TMEM179B: variants seen among roughly 807,000 people sequenced by gnomAD.
TMEM179B encodes the protein transmembrane protein 179B.
TMEM179B carries 13 observed loss-of-function variants against 18.0 expected under a neutral mutation model. The ratio of observed to expected loss-of-function variants is 0.72; its 90% confidence interval spans 0.47 to 1.15. The LOEUF (loss-of-function observed/expected upper bound fraction) is 1.15. TMEM179B is among the 50% of genes most tolerant of loss of function. The pLI is 0.00. For synonymous variants in TMEM179B, 159 were observed against 117.5 expected (o/e 1.35, Z -2.29); for missense variants, 320 against 270.6 (o/e 1.18, Z -1.28).
intron 1 of TMEM179B, chr11:62,787,845 C>T (rs1248718427): frequency 3.1e-6 from 2 of 640,534 alleles, no homozygotes; most frequent in Non-Finnish European, 2.9e-6. Context: ...AGTGCAGAAC[C>T]TGCGTCCATC....
Position 62,790,282 on chromosome 11 carries a change from G to A in TMEM179B, c.*235G>A, listed in dbSNP as rs189318367. The A allele has an allele frequency of 7.1e-6, 4 of 561,650 alleles. No individual in the cohort carries two copies. The highest frequency in any genetic ancestry group is 1.2e-5 in the Non-Finnish European group (4 of 328,060). 34.8% of individuals were successfully genotyped at this position (561,650 alleles called of 1,614,324 possible). On this transcript the variant is annotated 3_prime_UTR_variant, in exon 5 of 5. Coordinates refer to ENST00000333449, the MANE Select transcript of TMEM179B (RefSeq NM_199337.3). The stretch of plus-strand genomic sequence containing the variant: ...TTTGATGTTAAAGTACAACTAGATA[G>A]GAGGAAGGAGTGAAGGCTAAGCAGA...
At position 62,789,606 on chromosome 11, in the gene TMEM179B, C is replaced by G; in HGVS notation, c.425C>G (p.Ser142Cys). The G allele has an allele frequency of 1.3e-6, 2 of 1,547,862 alleles. No individual in the cohort carries two copies. The highest frequency in any genetic ancestry group is 1.7e-6 in the Non-Finnish European group (2 of 1,150,812). ...IISLNTTISC[S>C]EAQKIPWTPP... ...CTGTCTCTTTGACCTCACAGCTGTT[C>G]TGAAGCCCAGAAAATTCCATGGACA... Residue 142 changes from serine (S) to cysteine (C), a missense_variant, in exon 4 of 5, where the codon TCT becomes TGT. Physicochemically the swap from Ser to Cys is moderately radical, Grantham distance 112. Transcript: ENST00000333449.
Position 62,789,049 on chromosome 11 carries a change from G to A in TMEM179B, c.123G>A (p.Leu41=). Residue 41 remains leucine, a synonymous_variant, in exon 2 of 5, where the codon CTG becomes CTA. Coordinates refer to ENST00000333449, the MANE Select transcript of TMEM179B (RefSeq NM_199337.3). The part of the protein sequence containing the change: ...TQGSFSGRCP[L]YGVATLNGSS... Reference sequence around the variant, plus strand: ...GCTCCTTCAGTGGTAGATGTCCCCTGTATGGTGTGGCCACCCTGAATGGCT... The same window carrying A: ...GCTCCTTCAGTGGTAGATGTCCCCTATATGGTGTGGCCACCCTGAATGGCT... 1 of 1,614,100 alleles carries A rather than the reference G, an allele frequency of 6.2e-7. No individual in the cohort carries two copies. Among genetic ancestry groups the A allele is most frequent in the Non-Finnish European group, 8.5e-7 (1 of 1,179,958 alleles).
chr11:62,789,860 G>C, intron 4 of TMEM179B, 26 bp from the exon 5 acceptor site: 1 of 1,605,966 alleles, frequency 6.2e-7, no homozygotes, highest in Non-Finnish European at 8.5e-7. Flanking sequence ...TCCCACTCCT[G>C]ACGATCCTGT....
At chr11:62,788,400 G>A (rs914087888) in intron 1 of TMEM179B, among the ~76,000 whole-genome samples, 1 of 147,628 alleles carries the variant, frequency 6.8e-6, no homozygotes, top group Non-Finnish European at 1.5e-5. Flanking sequence ...AATCTCCATC[G>A]CAAAAACAAA....
In TMEM179B at chr11:62,789,626, T is replaced by A; in HGVS notation, c.445T>A (p.Trp149Arg). ...CTGTTCTGAAGCCCAGAAAATTCCA[T>A]GGACACCCCCTGGAACTGCTCTGCA... ...ISCSEAQKIP[W>R]TPPGTALQFY... The change falls in exon 4 of 5, where the codon TGG becomes AGG. Residue 149 changes from tryptophan to arginine, a missense_variant. Trp to Arg is a moderately radical substitution (Grantham distance 101). Transcript: ENST00000333449. 1 of 1,549,448 alleles carries A rather than the reference T, an allele frequency of 6.5e-7. No homozygotes were observed. The highest frequency in any genetic ancestry group is 8.7e-7 in the Non-Finnish European group (1 of 1,151,730).
At position 62,789,970 on chromosome 11, in the gene TMEM179B, C is replaced by A. The variant is rs763026463; in HGVS notation, c.583C>A (p.Arg195=). The change falls in exon 5 of 5, where the codon CGG becomes AGG. Residue 195 remains arginine (R), a synonymous_variant. Coordinates refer to ENST00000333449, the MANE Select transcript of TMEM179B (RefSeq NM_199337.3). ...GTGGAAGTCTGAAGCCACCCCATAC[C>A]GGCCTCTGGAGAGGGGTGACCCTGA... is the stretch of plus-strand genomic sequence containing the variant. ...VQWKSEATPY[R]PLERGDPEWS... The A allele has an allele frequency of 6.2e-7, 1 of 1,613,974 alleles. No individual in the cohort carries two copies. Among genetic ancestry groups the A allele is most frequent in the South Asian group, 1.1e-5 (1 of 91,072 alleles).
intron 1 of TMEM179B, chr11:62,787,979 A>T (rs1404891386): frequency 2.1e-6 from 1 of 466,980 alleles, no homozygotes; most frequent in Non-Finnish European, 4.3e-6. Flanking sequence ...AGATGGAGAA[A>T]ACGCTGACGT....
At chr11:62,788,804 A>G (rs1342150636) in intron 1 of TMEM179B, among the ~76,000 whole-genome samples, 1 of 152,048 alleles carries the variant, frequency 6.6e-6, no homozygotes, top group Non-Finnish European at 1.5e-5. Flanking sequence ...ATTGCATTCT[A>G]TATTCATTGC....
At position 62,789,091 on chromosome 11, in the gene TMEM179B, C is replaced by T; in HGVS notation, c.165C>T (p.Ser55=). ...ATLNGSSLAL[S]RPSAPSLCYF... is the part of the protein sequence containing the mutation. Reference sequence around the variant, plus strand: ...TGAATGGCTCCTCCCTGGCCTTATCCCGTCCCTCAGCACCATCCCTGTGCT... The same window carrying T: ...TGAATGGCTCCTCCCTGGCCTTATCTCGTCCCTCAGCACCATCCCTGTGCT... Residue 55 remains serine (S), a synonymous_variant, in exon 2 of 5, where the codon TCC becomes TCT. Transcript: ENST00000333449. 6.2e-7 allele frequency: 1 copy of T among 1,614,210 alleles called. No individual in the cohort carries two copies. The highest frequency in any genetic ancestry group is 8.5e-7 in the Non-Finnish European group (1 of 1,180,034).
rs778212425 is a variant in TMEM179B at position 62,787,442 on chromosome 11, C to A, written c.11C>A (p.Ser4Tyr). The change falls in exon 1 of 5, where the codon TCC (serine) becomes TAC (tyrosine). Residue 4 changes from serine to tyrosine, a missense_variant. By Grantham distance (144) the Ser-to-Tyr change is moderately radical. Transcript: ENST00000333449. ...GGTGGTCAGGGCGCCATGGCGCTGT[C>A]CTGGCTGCAGCGCGTCGAGCTTGCG... MAL[S>Y]WLQRVELALF... The A allele has an allele frequency of 4.5e-6, 7 of 1,568,672 alleles. No individual in the cohort carries two copies. Among genetic ancestry groups the A allele is most frequent in the Middle Eastern group, 1.7e-4 (1 of 5,810 alleles).
At chr11:62,788,928 C>A in intron 1 of TMEM179B, 95 bp from the exon 2 acceptor site, 5 of 1,337,098 alleles carry the variant, frequency 3.7e-6, no homozygotes, top group Non-Finnish European at 5.1e-6. Flanking sequence ...TCCTGGAATG[C>A]AGGACCATTC....
intron 1 of TMEM179B, 140 bp downstream of exon 1, chr11:62,787,667 C>A: frequency 2.6e-6 from 3 of 1,135,834 alleles, no homozygotes; most frequent in Non-Finnish European, 3.6e-6. Context: ...CGGCCTGTAC[C>A]TGAAATGCAG....
chr11:62,788,254 T>G (rs539961922), intron 1 of TMEM179B, among the ~76,000 whole-genome samples: 54 of 151,250 alleles, frequency 3.6e-4, no homozygotes, highest in Non-Finnish European at 6.8e-4. Context: ...AATACAAAAA[T>G]TAGCCGGGTG....
intron 1 of TMEM179B, 148 bp downstream of exon 1, chr11:62,787,675 C>T: frequency 9.4e-7 from 1 of 1,069,036 alleles, no homozygotes; most frequent in Non-Finnish European, 1.3e-6. Context: ...ACCTGAAATG[C>T]AGCGAGGCTA....
At chr11:62,788,891 A>G in intron 1 of TMEM179B, 132 bp from the exon 2 acceptor site, 2 of 1,008,740 alleles carry the variant, frequency 2.0e-6, no homozygotes, top group Non-Finnish European at 2.9e-6. Flanking sequence ...TGTCCCAGAA[A>G]TAGGAATTGA....
At chr11:62,789,537 G>C in intron 3 of TMEM179B, 64 bp from the exon 4 acceptor site, 1 of 1,574,452 alleles carries the variant, frequency 6.4e-7, no homozygotes, top group Non-Finnish European at 8.6e-7. Context: ...CAGGGCACTG[G>C]GCACAGGTGT....
At position 62,790,330 on chromosome 11, in the gene TMEM179B, C is replaced by G; in HGVS notation, c.*283C>G. ...AGACATGGACTGAAACTTAGAGGTA[C>G]TGTTAGGCAGCTGCCCTAGGGATGA... is the stretch of plus-strand genomic sequence containing the variant. On this transcript the variant is annotated 3_prime_UTR_variant, in exon 5 of 5. Transcript: ENST00000333449. 1 of 538,266 alleles carries G rather than the reference C, an allele frequency of 1.9e-6. No individual in the cohort carries two copies. Among genetic ancestry groups the G allele is most frequent in the Non-Finnish European group, 3.2e-6 (1 of 309,288 alleles). The allele number at this position is 538,266 out of a possible 1,614,324, so 33.3% of individuals were successfully genotyped here.
At chr11:62,788,894 G>A in intron 1 of TMEM179B, 129 bp from the exon 2 acceptor site, 1 of 1,030,398 alleles carries the variant, frequency 9.7e-7, no homozygotes, top group Non-Finnish European at 1.4e-6. Flanking sequence ...CCCAGAAATA[G>A]GAATTGACGG....
Sources: gnomAD v4.1 joint callset for allele counts (sites outside exome capture counted in the v4.1 genomes callset) on GRCh38, gnomAD v4.1.1 for gene constraint, MANE v1.5 for transcripts, NCBI Gene and HGNC (gene_info 2026-07-23, HGNC 2026-07-21) for gene names.